Variants in EDA observed in about 807,000 individuals in gnomAD.
EDA encodes ectodysplasin A, also known as ectodysplasin-A.
A neutral mutation model predicts 23.6 loss-of-function variants in EDA; 2 were observed. The observed-to-expected ratio is 0.08, with a 90% confidence interval of 0.03 to 0.27. The LOEUF (loss-of-function observed/expected upper bound fraction) is 0.27. Among genes scored for constraint, EDA ranks in the 10% least tolerant of loss-of-function variants. The pLI is 1.00. For synonymous variants in EDA, 131 were observed against 132.0 expected (o/e 0.99, Z 0.05); for missense variants, 229 against 324.2 (o/e 0.71, Z 2.26).
chrX:69,625,725 G>A (rs1435444452), intron 1 of EDA, among the ~76,000 whole-genome samples: 1 of 110,483 alleles, frequency 9.1e-6, no homozygotes, highest in Non-Finnish European at 1.9e-5. Flanking sequence ...ACAATAAAAT[G>A]TTTAGAAGAA....
At chrX:69,828,999 T>G (rs1463711856) in intron 1 of EDA, among the ~76,000 whole-genome samples, 1 of 112,396 alleles carries the variant, frequency 8.9e-6, no homozygotes, top group Admixed American at 9.4e-5. Flanking sequence ...CCCTGACCAT[T>G]CTGTTTAAAA....
At chrX:69,988,184 G>T (rs1276905827) in intron 2 of EDA, among the ~76,000 whole-genome samples, 1 of 111,759 alleles carries the variant, frequency 8.9e-6, no homozygotes, top group African/African-American at 3.3e-5. Context: ...ACTTATTTGT[G>T]GGAGCTAAAA....
At chrX:69,989,865 C>T (rs1445510344) in intron 2 of EDA, among the ~76,000 whole-genome samples, 1 of 87,923 alleles carries the variant, frequency 1.1e-5, no homozygotes, top group East Asian at 3.3e-4. Context: ...ACCCGTGGGA[C>T]AATAACAAAA....
At chrX:69,956,490 C>T (rs993748535) in intron 1 of EDA, among the ~76,000 whole-genome samples, 17 of 108,563 alleles carry the variant, frequency 1.6e-4, no homozygotes, top group Non-Finnish European at 3.1e-4. Flanking sequence ...TATAGGCACC[C>T]CCCACCACCA....
Position 70,030,471 on chromosome X carries a change from A to G in EDA, c.744A>G (p.Pro248=), listed in dbSNP as rs2147512873. 8.3e-7 allele frequency: 1 copy of G among 1,206,825 alleles called. No individual in the cohort carries two copies. The highest frequency in any genetic ancestry group is 1.1e-6 in the Non-Finnish European group (1 of 892,290). ...ADKAGTRENQ[P]AVVHLQGQGS... is the part of the protein sequence containing the mutation. ...CTCTATCCTTCTCATCCTGCCAGCC[A>G]GCTGTGGTGCATCTACAGGGCCAAG... The change falls in exon 6 of 8, where the codon CCA becomes CCG. Residue 248 remains proline (P), a splice_region_variant and synonymous_variant. Transcript: ENST00000374552.
At chrX:69,660,037 C>T (rs1167410907) in intron 1 of EDA, among the ~76,000 whole-genome samples, 1 of 111,537 alleles carries the variant, frequency 9.0e-6, no homozygotes, top group African/African-American at 3.3e-5. Flanking sequence ...ATCATTCCAC[C>T]GACCATAACA....
At chrX:69,708,182 G>A (rs1233565496) in intron 1 of EDA, among the ~76,000 whole-genome samples, 1 of 111,910 alleles carries the variant, frequency 8.9e-6, no homozygotes, top group African/African-American at 3.2e-5. Flanking sequence ...TCACAAATTG[G>A]GCAGCCCTCA....
At chrX:69,813,902 C>T (rs750902998) in intron 1 of EDA, among the ~76,000 whole-genome samples, 1 of 111,059 alleles carries the variant, frequency 9.0e-6, no homozygotes, top group Non-Finnish European at 1.9e-5. Flanking sequence ...CATCTGGCTA[C>T]TTGAGAATAG....
intron 1 of EDA, among the ~76,000 whole-genome samples, chrX:69,760,420 C>T (rs2014274620): frequency 9.0e-6 from 1 of 111,345 alleles, no homozygotes; most frequent in South Asian, 3.8e-4. Context: ...AATGTTCCCA[C>T]AAAGGGCTCT....
At chrX:69,881,677 A>C (rs1349936384) in intron 1 of EDA, among the ~76,000 whole-genome samples, 2 of 111,726 alleles carry the variant, frequency 1.8e-5, no homozygotes, top group African/African-American at 6.5e-5. Flanking sequence ...TTGCTATAAG[A>C]GACACCTGAG....
At chrX:69,826,337 T>G (rs2016434076) in intron 1 of EDA, among the ~76,000 whole-genome samples, 1 of 109,875 alleles carries the variant, frequency 9.1e-6, no homozygotes, top group East Asian at 2.9e-4. Flanking sequence ...GGAGTCTAAG[T>G]CTCTTTGTAG....
At chrX:69,778,628 G>T (rs2014854827) in intron 1 of EDA, among the ~76,000 whole-genome samples, 1 of 111,326 alleles carries the variant, frequency 9.0e-6, no homozygotes, top group African/African-American at 3.3e-5. Flanking sequence ...TTTTATGCTG[G>T]CTGTTAAGTA....
At chrX:69,754,031 C>T (rs145571714) in intron 1 of EDA, among the ~76,000 whole-genome samples, 4,067 of 110,616 alleles carry the variant, frequency 0.037, 94 homozygotes, top group Non-Finnish European at 0.056. Flanking sequence ...ATCCAATTTG[C>T]GTCTGTGTCT....
At chrX:69,790,332 C>T (rs1347170932) in intron 1 of EDA, among the ~76,000 whole-genome samples, 6 of 108,541 alleles carry the variant, frequency 5.5e-5, no homozygotes, top group Non-Finnish European at 1.1e-4. Flanking sequence ...GGAGAGGGGG[C>T]AGAGGGGTGA....
intron 1 of EDA, among the ~76,000 whole-genome samples, chrX:69,653,285 T>C (rs1484042648): frequency 9.0e-6 from 1 of 111,605 alleles, no homozygotes; most frequent in Non-Finnish European, 1.9e-5. Context: ...TTGTCTGTTA[T>C]TGGTATATAA....
chrX:69,933,478 G>A (rs1163362359), intron 1 of EDA, among the ~76,000 whole-genome samples: 2 of 111,287 alleles, frequency 1.8e-5, no homozygotes, highest in African/African-American at 3.3e-5. Flanking sequence ...TCAGGAGTTC[G>A]AGACCAGCCT....
chrX:69,980,332 A>G (rs1027155534), intron 2 of EDA, among the ~76,000 whole-genome samples: 1 of 111,799 alleles, frequency 8.9e-6, no homozygotes, highest in Non-Finnish European at 1.9e-5. Context: ...TAACCTGTAC[A>G]TGGTCTCTCC....
chrX:70,034,367 C>T (rs2020236735), intron 7 of EDA, among the ~76,000 whole-genome samples: 1 of 111,691 alleles, frequency 9.0e-6, no homozygotes, highest in Admixed American at 9.5e-5. Flanking sequence ...AGCTTGGGTC[C>T]TGACCCGTAT....
At chrX:69,772,271 T>C (rs2014660500) in intron 1 of EDA, among the ~76,000 whole-genome samples, 1 of 111,719 alleles carries the variant, frequency 9.0e-6, no homozygotes, top group African/African-American at 3.3e-5. Context: ...ATCAAGTACA[T>C]TTTATGTGTC....
Sources: gnomAD v4.1 joint callset for allele counts (sites outside exome capture counted in the v4.1 genomes callset) on GRCh38, gnomAD v4.1.1 for gene constraint, MANE v1.5 for transcripts, NCBI Gene and HGNC (gene_info 2026-07-23, HGNC 2026-07-21) for gene names.